The following BLTP3A variants were observed in gnomAD, a reference collection of about 807,000 sequenced individuals.
BLTP3A encodes bridge-like lipid transfer protein family member 3A.
At chr6:34,817,385 T>C in the BLTP3A span, among the ~76,000 whole-genome samples, 1 of 152,236 alleles carries the variant, frequency 6.6e-6, no homozygotes, top group Non-Finnish European at 1.5e-5. Flanking sequence ...GATTAAATTT[T>C]TTAAAGTGAA....
chr6:34,868,312 AT>A, the BLTP3A span, among the ~76,000 whole-genome samples: 99 of 150,314 alleles, frequency 6.6e-4, no homozygotes, highest in African/African-American at 2.4e-3. Flanking sequence ...GTCTCAAAAA[AT>A]ATATATATAT....
chr6:34,792,813 C>T, the BLTP3A span, among the ~76,000 whole-genome samples: 1 of 152,206 alleles, frequency 6.6e-6, no homozygotes, highest in African/African-American at 2.4e-5. Context: ...TGCTACCAGT[C>T]CTGCTAAGCC....
At chr6:34,821,117 C>T in the BLTP3A span, among the ~76,000 whole-genome samples, 2 of 152,022 alleles carry the variant, frequency 1.3e-5, no homozygotes, top group Admixed American at 6.6e-5. Context: ...CCACCACACC[C>T]GGCTAATTTA....
At chr6:34,865,621 G>A in the BLTP3A span, among the ~76,000 whole-genome samples, 2 of 152,076 alleles carry the variant, frequency 1.3e-5, no homozygotes, top group Non-Finnish European at 2.9e-5. Context: ...TTTCCATAAT[G>A]CCCATATTAA....
chr6:34,864,522 C>CTTTTT, the BLTP3A span, among the ~76,000 whole-genome samples: 13 of 109,410 alleles, frequency 1.2e-4, no homozygotes, highest in African/African-American at 3.1e-4. Context: ...TGCTTATAGT[C>CTTTTT]TTTTTTTTTT....
At chr6:34,801,839 G>A in the BLTP3A span, among the ~76,000 whole-genome samples, 3 of 152,034 alleles carry the variant, frequency 2.0e-5, no homozygotes, top group African/African-American at 7.2e-5. Context: ...CCCGGTTCAC[G>A]CCATTCTCCT....
the BLTP3A span, among the ~76,000 whole-genome samples, chr6:34,829,447 C>T: frequency 2.6e-4 from 40 of 152,330 alleles, no homozygotes; most frequent in Non-Finnish European, 1.9e-4. Flanking sequence ...TTATGTACTA[C>T]AACATGGCTG....
chr6:34,874,283 CTT>C, the BLTP3A span: 4 of 152,270 alleles, frequency 2.6e-5, no homozygotes, highest in African/African-American at 9.7e-5. Flanking sequence ...AATCCCAGCA[CTT>C]TGGGAGGCCG....
At chr6:34,835,906 A>T in the BLTP3A span, among the ~76,000 whole-genome samples, 3 of 152,350 alleles carry the variant, frequency 2.0e-5, no homozygotes, top group South Asian at 6.2e-4. Flanking sequence ...CTGGTGGGCG[A>T]GAGCTGGGAG....
At chr6:34,804,534 C>T in the BLTP3A span, among the ~76,000 whole-genome samples, 9,874 of 152,022 alleles carry the variant, frequency 0.065, 533 homozygotes, top group East Asian at 0.33. Context: ...CAGAGGGAGC[C>T]GCATGAACAA....
At chr6:34,795,277 T>TG in the BLTP3A span, among the ~76,000 whole-genome samples, 1 of 151,764 alleles carries the variant, frequency 6.6e-6, no homozygotes, top group Non-Finnish European at 1.5e-5. Flanking sequence ...GATCAAGTCT[T>TG]GCTATGTTGC....
the BLTP3A span, among the ~76,000 whole-genome samples, chr6:34,842,120 A>G: frequency 5.9e-5 from 9 of 152,146 alleles, no homozygotes; most frequent in Non-Finnish European, 1.2e-4. Flanking sequence ...AGCTCATTCC[A>G]TATAGTTTAT....
chr6:34,858,611 C>G, the BLTP3A span: 7 of 1,614,130 alleles, frequency 4.3e-6, no homozygotes, highest in South Asian at 1.1e-5. Context: ...AGGCTGAAAC[C>G]ATCAGCCAGT....
the BLTP3A span, among the ~76,000 whole-genome samples, chr6:34,821,050 A>G: frequency 6.7e-6 from 1 of 150,302 alleles, no homozygotes; most frequent in African/African-American, 2.5e-5. Context: ...TCCGCCTCCC[A>G]GGTTCAAGTG....
the BLTP3A span, chr6:34,858,604 C>T: frequency 6.2e-7 from 1 of 1,614,136 alleles, no homozygotes; most frequent in South Asian, 1.1e-5. Context: ...AGAGGGGAGG[C>T]TGAAACCATC....
At chr6:34,856,264 C>A in the BLTP3A span, 1 of 1,614,034 alleles carries the variant, frequency 6.2e-7, no homozygotes, top group Non-Finnish European at 8.5e-7. Flanking sequence ...ATTGGGTACG[C>A]CACTGTGAGG....
At chr6:34,832,164 G>C in the BLTP3A span, among the ~76,000 whole-genome samples, 1 of 149,444 alleles carries the variant, frequency 6.7e-6, no homozygotes, top group African/African-American at 2.5e-5. Context: ...CTGTCACTCA[G>C]GTTGGAGTGC....
the BLTP3A span, chr6:34,872,621 G>A: frequency 0.074 from 48,427 of 657,696 alleles, 2,369 homozygotes; most frequent in African/African-American, 0.18. Context: ...CTGAGGACAA[G>A]GGCAAAGCAT....
chr6:34,821,815 G>T, the BLTP3A span: 4 of 1,614,086 alleles, frequency 2.5e-6, no homozygotes, highest in Non-Finnish European at 3.4e-6. Flanking sequence ...CCTCCATCCG[G>T]GTGAGAATGA....
Sources: allele counts gnomAD v4.1 joint callset (sites outside exome capture counted in the v4.1 genomes callset), GRCh38; gene constraint gnomAD v4.1.1; transcripts MANE v1.5; gene names NCBI Gene and HGNC (gene_info 2026-07-23, HGNC 2026-07-21).